RANBP17: variants seen among roughly 807,000 people sequenced by gnomAD.
The protein encoded by RANBP17 is RAN binding protein 17.
RANBP17 carries 158 observed loss-of-function variants against 141.2 expected under a neutral mutation model. That is an observed-to-expected ratio of 1.12 (90% CI 0.98 to 1.28). RANBP17 has a LOEUF of 1.28. Among genes scored for constraint, RANBP17 ranks in the 50% most tolerant of loss-of-function variants. The pLI, the probability that RANBP17 is intolerant of heterozygous loss-of-function variation, is 0.00. For missense variants in RANBP17, 1,438 were observed against 1,290.7 expected (o/e 1.11, Z -1.75); for synonymous variants, 430 against 450.0 (o/e 0.96, Z 0.56).
intron 14 of RANBP17, among the ~76,000 whole-genome samples, chr5:171,014,219 T>A (rs1468531376): frequency 2.0e-5 from 3 of 152,054 alleles, no homozygotes; most frequent in Non-Finnish European, 2.9e-5. Flanking sequence ...TATGTCTTTA[T>A]ATAAATAGGG....
At chr5:171,216,401 A>G (rs1024451255) in intron 21 of RANBP17, among the ~76,000 whole-genome samples, 2 of 152,282 alleles carry the variant, frequency 1.3e-5, no homozygotes, top group Admixed American at 6.5e-5. Context: ...TTTTGGTTCC[A>G]TATGAAATTT....
chr5:171,062,114 A>G (rs372994823), intron 14 of RANBP17, among the ~76,000 whole-genome samples: 7,821 of 151,126 alleles, frequency 0.052, 655 homozygotes, highest in African/African-American at 0.18. Flanking sequence ...TCTTTATCCA[A>G]TTTGCCAGTC....
chr5:170,862,412 T>C (rs1344431435), intron 1 of RANBP17, among the ~76,000 whole-genome samples: 1 of 152,146 alleles, frequency 6.6e-6, no homozygotes, highest in African/African-American at 2.4e-5. Flanking sequence ...CTGGGCCGGC[T>C]TTGGCGCGCC....
intron 14 of RANBP17, among the ~76,000 whole-genome samples, chr5:171,168,842 G>GTT (rs1455842804): frequency 6.6e-6 from 1 of 151,770 alleles, no homozygotes; most frequent in Non-Finnish European, 1.5e-5. Flanking sequence ...CTCTCTCTCT[G>GTT]TTTCTCTCTC....
intron 12 of RANBP17, among the ~76,000 whole-genome samples, chr5:170,934,981 T>G (rs530142562): frequency 1.3e-5 from 2 of 152,336 alleles, no homozygotes; most frequent in South Asian, 4.1e-4. Context: ...TAGTCCCATA[T>G]TTCTTGTAGA....
In RANBP17 at chr5:170,959,782, A is replaced by G. The variant is rs1776002063; in HGVS notation, c.1574+6080A>G. 1.3e-5 allele frequency among the ~76,000 whole-genome samples: 2 copies of G among 152,170 alleles called. 1 individual carries two copies. The highest frequency in any genetic ancestry group is 4.1e-4 in the South Asian group (2 of 4,828). On this transcript the variant is annotated intron_variant, in intron 13 of 27. Transcript: ENST00000523189. ...GAAAACCATAAGGAAGAAAAAGTAA[A>G]TTTTCTGTTCATTAAGTGGATCTTC...
chr5:171,258,162 C>CA (rs1766048348), intron 24 of RANBP17, among the ~76,000 whole-genome samples: 1 of 143,922 alleles, frequency 6.9e-6, no homozygotes, highest in African/African-American at 2.5e-5. Flanking sequence ...CACACACACC[C>CA]CTAGGAATGC....
At chr5:171,077,465 A>G (rs1318463991) in intron 14 of RANBP17, among the ~76,000 whole-genome samples, 2 of 152,206 alleles carry the variant, frequency 1.3e-5, no homozygotes, top group African/African-American at 2.4e-5. Context: ...ACGTGTTTAA[A>G]TTTACAGAAC....
chr5:171,279,334 C>G (rs948927306), intron 25 of RANBP17, among the ~76,000 whole-genome samples: 3 of 152,140 alleles, frequency 2.0e-5, no homozygotes, highest in Admixed American at 1.3e-4. Flanking sequence ...ATGTAATGAA[C>G]AGAAATGTAT....
At chr5:170,871,000 T>C (rs139803502) in intron 1 of RANBP17, among the ~76,000 whole-genome samples, 4,616 of 152,308 alleles carry the variant, frequency 0.03, 234 homozygotes, top group African/African-American at 0.1. Flanking sequence ...CATGTGTTTC[T>C]TGGCCACATA....
intron 14 of RANBP17, among the ~76,000 whole-genome samples, chr5:170,996,372 A>G (rs1168893808): frequency 6.6e-6 from 1 of 152,198 alleles, no homozygotes; most frequent in Non-Finnish European, 1.5e-5. Flanking sequence ...GATTGTCATA[A>G]TACCTGTAAT....
chr5:171,053,208 CTCAACTTTTA>C (rs1241421226), intron 14 of RANBP17, among the ~76,000 whole-genome samples: 4 of 151,238 alleles, frequency 2.6e-5, no homozygotes, highest in African/African-American at 4.9e-5. Context: ...TCTCTTTTTT[CTCAACTTTTA>C]TTTTAGGTTC....
chr5:171,145,549 C>T (rs1757980689), intron 14 of RANBP17, among the ~76,000 whole-genome samples: 1 of 152,138 alleles, frequency 6.6e-6, no homozygotes, highest in Non-Finnish European at 1.5e-5. Flanking sequence ...CTTTTATCAA[C>T]AGCTGTTTTG....
intron 14 of RANBP17, among the ~76,000 whole-genome samples, chr5:171,117,785 A>C (rs909063980): frequency 3.3e-5 from 5 of 151,872 alleles, no homozygotes; most frequent in African/African-American, 1.2e-4. Context: ...GAGCCACTGC[A>C]CCTGGCCTCT....
chr5:171,004,786 C>T (rs895206386), intron 14 of RANBP17, among the ~76,000 whole-genome samples: 11 of 152,088 alleles, frequency 7.2e-5, no homozygotes, highest in African/African-American at 1.4e-4. Context: ...AGACAGGGCA[C>T]GGCTTAGGAG....
chr5:171,278,315 G>A (rs972139205), intron 25 of RANBP17, among the ~76,000 whole-genome samples: 1 of 151,994 alleles, frequency 6.6e-6, no homozygotes, highest in Non-Finnish European at 1.5e-5. Flanking sequence ...TCAGGAGTTC[G>A]AGACCAGCCA....
chr5:171,041,070 A>C (rs922404798), intron 14 of RANBP17, among the ~76,000 whole-genome samples: 5 of 152,068 alleles, frequency 3.3e-5, no homozygotes, highest in Non-Finnish European at 7.4e-5. Flanking sequence ...AGGCCTCATC[A>C]GTTCTAGCCT....
intron 25 of RANBP17, among the ~76,000 whole-genome samples, chr5:171,285,757 G>A (rs978127917): frequency 6.6e-6 from 1 of 152,176 alleles, no homozygotes; most frequent in African/African-American, 2.4e-5. Context: ...AGTCAATTTT[G>A]TTGCTGTTGC....
At chr5:171,060,822 T>C (rs993622642) in intron 14 of RANBP17, among the ~76,000 whole-genome samples, 64 of 152,310 alleles carry the variant, frequency 4.2e-4, no homozygotes, top group African/African-American at 1.5e-3. Context: ...AAGCTATTGA[T>C]TATTGCCACA....
Sources: allele counts gnomAD v4.1 joint callset (sites outside exome capture counted in the v4.1 genomes callset), GRCh38; gene constraint gnomAD v4.1.1; transcripts MANE v1.5; gene names NCBI Gene and HGNC (gene_info 2026-07-23, HGNC 2026-07-21).